The following SIPA1L2 variants were observed in gnomAD, a reference collection of about 807,000 sequenced individuals.
The protein encoded by SIPA1L2 is signal-induced proliferation-associated 1-like protein 2.
SIPA1L2 carries 56 observed loss-of-function variants against 163.9 expected under a neutral mutation model. That is an observed-to-expected ratio of 0.34 (90% CI 0.28 to 0.43). The LOEUF (loss-of-function observed/expected upper bound fraction) is 0.43. Ranked by LOEUF, SIPA1L2 falls within the 20% of genes least tolerant of loss-of-function variation. SIPA1L2 has a pLI of 1.00. For missense variants in SIPA1L2, 1,974 were observed against 2,193.5 expected (o/e 0.90, Z 2.00); for synonymous variants, 877 against 865.7 (o/e 1.01, Z -0.23).
At chr1:232,538,798 T>C (rs1295089132) in intron 2 of SIPA1L2, among the ~76,000 whole-genome samples, 1 of 152,072 alleles carries the variant, frequency 6.6e-6, no homozygotes, top group Non-Finnish European at 1.5e-5. Flanking sequence ...AGCTCAAAAT[T>C]TCCCAACCAT....
chr1:232,622,472 GT>G (rs1219033891), intron 1 of SIPA1L2, among the ~76,000 whole-genome samples: 2 of 152,216 alleles, frequency 1.3e-5, no homozygotes, highest in African/African-American at 4.8e-5. Context: ...AATCCTTTCT[GT>G]TCAGTAAGCT....
At chr1:232,513,339 G>A (rs910971043) in intron 3 of SIPA1L2, among the ~76,000 whole-genome samples, 14 of 152,198 alleles carry the variant, frequency 9.2e-5, no homozygotes, top group African/African-American at 3.4e-4. Context: ...AGAACTACAT[G>A]AAAACAAAAT....
At chr1:232,488,522 C>A (rs529875173) in intron 5 of SIPA1L2, among the ~76,000 whole-genome samples, 2 of 152,178 alleles carry the variant, frequency 1.3e-5, no homozygotes, top group South Asian at 4.2e-4. Context: ...GAATCTGATA[C>A]CATTAAGAGT....
chr1:232,477,507 A>T (rs1665105818), intron 7 of SIPA1L2, among the ~76,000 whole-genome samples: 1 of 152,212 alleles, frequency 6.6e-6, no homozygotes, highest in Non-Finnish European at 1.5e-5. Context: ...GGGACACTTC[A>T]GGGAACAAAA....
At chr1:232,598,015 G>A (rs1661373129) in intron 1 of SIPA1L2, among the ~76,000 whole-genome samples, 1 of 152,168 alleles carries the variant, frequency 6.6e-6, no homozygotes, top group South Asian at 2.1e-4. Flanking sequence ...GCCAATAATT[G>A]TGTCCTCATC....
At chr1:232,425,286 C>T (rs1661822442) in intron 18 of SIPA1L2, among the ~76,000 whole-genome samples, 1 of 151,724 alleles carries the variant, frequency 6.6e-6, no homozygotes. Flanking sequence ...AGGCTAAAGA[C>T]ATTTTTTTCC....
At position 232,548,256 on chromosome 1, in the gene SIPA1L2, A is replaced by G. The variant is rs141006295; in HGVS notation, c.-270+25918T>C. 3.8e-3 allele frequency among the ~76,000 whole-genome samples: 580 copies of G among 152,336 alleles called. 2 individuals are homozygous for G. The highest frequency in any genetic ancestry group is 0.013 in the African/African-American group (554 of 41,576). On this transcript the variant is annotated intron_variant, in intron 2 of 22. Coordinates refer to ENST00000674635, the MANE Select transcript of SIPA1L2 (RefSeq NM_020808.5). ...TATAAAGCACAGATTCGAGAACTGT[A>G]TGGCTTTCTTCTGCAGCTCCCAAGA...
intron 2 of SIPA1L2, among the ~76,000 whole-genome samples, chr1:232,516,251 A>C (rs556273035): frequency 6.6e-6 from 1 of 152,248 alleles, no homozygotes; most frequent in South Asian, 2.1e-4. Flanking sequence ...TTAAGTGGGA[A>C]GAGATCTTCA....
At chr1:232,480,154 C>CGTGTGTGTGTGTGTGTGT (rs536840154) in intron 6 of SIPA1L2, among the ~76,000 whole-genome samples, 15 of 132,740 alleles carry the variant, frequency 1.1e-4, no homozygotes, top group African/African-American at 4.5e-4. Context: ...TGTGTGTGTG[C>CGTGTGTGTGTGTGTGTGT]GTGTGTGTGT....
At chr1:232,444,447 T>C (rs1663084998) in intron 11 of SIPA1L2, among the ~76,000 whole-genome samples, 1 of 152,170 alleles carries the variant, frequency 6.6e-6, no homozygotes, top group Non-Finnish European at 1.5e-5. Context: ...AGTTATAAAC[T>C]TAGCCGACTT....
intron 1 of SIPA1L2, among the ~76,000 whole-genome samples, chr1:232,617,307 T>C (rs1360731374): frequency 6.6e-6 from 1 of 152,190 alleles, no homozygotes; most frequent in Non-Finnish European, 1.5e-5. Context: ...ATGGGTGGGA[T>C]GTAAGATGAG....
chr1:232,541,293 T>TAACAG (rs1553309823), intron 2 of SIPA1L2, among the ~76,000 whole-genome samples: 1 of 148,442 alleles, frequency 6.7e-6, no homozygotes, highest in Non-Finnish European at 1.5e-5. Flanking sequence ...TAACATAACA[T>TAACAG]AACATAACAG....
chr1:232,409,749 A>G (rs1363365392), intron 19 of SIPA1L2, among the ~76,000 whole-genome samples: 5 of 144,622 alleles, frequency 3.5e-5, no homozygotes, highest in African/African-American at 2.9e-5. Flanking sequence ...CTGCAGCTGC[A>G]TGCAGCTGCC....
At chr1:232,462,786 T>C (rs1156298017) in intron 9 of SIPA1L2, among the ~76,000 whole-genome samples, 1 of 152,228 alleles carries the variant, frequency 6.6e-6, no homozygotes, top group Non-Finnish European at 1.5e-5. Flanking sequence ...TTATCATCCA[T>C]GTATCAGGCT....
intron 3 of SIPA1L2, among the ~76,000 whole-genome samples, chr1:232,501,050 ATTT>A (rs60008360): frequency 0.016 from 1,236 of 78,398 alleles, 12 homozygotes; most frequent in Middle Eastern, 0.075. Context: ...GCAATGAAGT[ATTT>A]TTTTTTTTTT....
intron 2 of SIPA1L2, among the ~76,000 whole-genome samples, chr1:232,520,095 G>A (rs1397640302): frequency 1.3e-5 from 2 of 152,128 alleles, no homozygotes; most frequent in African/African-American, 4.8e-5. Context: ...GTTTGCCTTC[G>A]AATGATCTAA....
chr1:232,403,456 G>A lies in SIPA1L2; in HGVS notation c.4932C>T (p.Asp1644=). Residue 1644 remains aspartate, a synonymous_variant, in exon 21 of 23, where the codon GAC becomes GAT. Transcript: ENST00000674635. ...VDPGSGKEFM[D]TTGERSPSPL... is the part of the protein sequence containing the mutation. ...CACAGGGGCTCACATACCCAGTTGT[G>A]TCCATGAACTCTTTGCCACTGCCTG... is the stretch of plus-strand genomic sequence containing the variant. 1 of 1,594,502 alleles carries A rather than the reference G, an allele frequency of 6.3e-7. No individual in the cohort carries two copies.
intron 1 of SIPA1L2, among the ~76,000 whole-genome samples, chr1:232,590,444 G>A (rs1296520851): frequency 6.6e-6 from 1 of 152,228 alleles, no homozygotes; most frequent in Non-Finnish European, 1.5e-5. Flanking sequence ...TTAACTCAGT[G>A]ATAGCACCAG....
chr1:232,589,042 G>C (rs1294778094), intron 1 of SIPA1L2, among the ~76,000 whole-genome samples: 1 of 152,132 alleles, frequency 6.6e-6, no homozygotes, highest in Non-Finnish European at 1.5e-5. Flanking sequence ...AAAGGCATGA[G>C]ACTAAAATAA....
Sources: allele counts gnomAD v4.1 joint callset (sites outside exome capture counted in the v4.1 genomes callset), GRCh38; gene constraint gnomAD v4.1.1; transcripts MANE v1.5; gene names NCBI Gene and HGNC (gene_info 2026-07-23, HGNC 2026-07-21).